The following PXDNL variants were observed in gnomAD, a reference collection of about 807,000 sequenced individuals.
PXDNL encodes the protein probable oxidoreductase PXDNL.
Under a neutral mutation model 150.8 loss-of-function variants are expected in PXDNL, and 145 were observed. The ratio of observed to expected loss-of-function variants is 0.96; its 90% CI spans 0.84 to 1.10. The LOEUF is 1.10. PXDNL is among the 50% of genes least tolerant of loss of function. The pLI, the probability that PXDNL is intolerant of heterozygous loss-of-function variation, is 0.00. For synonymous variants in PXDNL, 757 were observed against 725.7 expected, an observed-to-expected ratio of 1.04 and a Z score of -0.69; for missense variants, 2,087 against 1,873.9, an observed-to-expected ratio of 1.11 and a Z score of -2.10.
intron 1 of PXDNL, among the ~76,000 whole-genome samples, chr8:51,699,599 A>G (rs959613025): frequency 2.0e-5 from 3 of 152,322 alleles, no homozygotes; most frequent in South Asian, 4.2e-4. Flanking sequence ...TGCATTCACA[A>G]CTTGGCTGTT....
At chr8:51,761,821 C>T (rs1379638889) in intron 1 of PXDNL, among the ~76,000 whole-genome samples, 3 of 152,108 alleles carry the variant, frequency 2.0e-5, no homozygotes, top group African/African-American at 7.2e-5. Context: ...ATTTCACTTG[C>T]TAGATTAAAA....
chr8:51,645,854 A>G (rs879837462), intron 2 of PXDNL, among the ~76,000 whole-genome samples: 1 of 151,862 alleles, frequency 6.6e-6, no homozygotes, highest in Non-Finnish European at 1.5e-5. Flanking sequence ...GTCATAGTGA[A>G]AACATAAATG....
At chr8:51,391,938 C>G (rs1376772144) in intron 17 of PXDNL, among the ~76,000 whole-genome samples, 7 of 152,134 alleles carry the variant, frequency 4.6e-5, no homozygotes, top group South Asian at 4.1e-4. Flanking sequence ...AAGGGATCCA[C>G]TTTCAGCTTT....
intron 3 of PXDNL, among the ~76,000 whole-genome samples, chr8:51,578,156 GAGAA>G (rs957499317): frequency 4.0e-5 from 6 of 149,952 alleles, no homozygotes; most frequent in East Asian, 2.0e-4. Flanking sequence ...GAGAAAGAAA[GAGAA>G]AGAAAGAAGG....
chr8:51,467,780 A>G (rs1763253310), intron 8 of PXDNL, among the ~76,000 whole-genome samples: 2 of 152,010 alleles, frequency 1.3e-5, no homozygotes, highest in Admixed American at 6.6e-5. Flanking sequence ...ATTTCTCCCC[A>G]AGGTAAAACC....
chr8:51,408,728 C>T lies in PXDNL; in HGVS notation c.2896G>A (p.Ala966Thr). 20 of 1,590,586 alleles carry T rather than the reference C, an allele frequency of 1.3e-5. No individual in the cohort carries two copies. The highest frequency in any genetic ancestry group is 1.7e-5 in the Non-Finnish European group (20 of 1,168,388). ...CACAGGGTGTGCATGGCGGCCAGAGCCAGATGCTCGTTGGCCCGGTGGTCC... is the reference window on the plus strand; with the variant it reads ...CACAGGGTGTGCATGGCGGCCAGAGTCAGATGCTCGTTGGCCCGGTGGTCC... The part of the protein sequence containing the change: ...AGDHRANEHL[A>T]LAAMHTLWFR... Residue 966 changes from alanine (A) to threonine (T), a missense_variant, in exon 17 of 23, where the codon GCT becomes ACT. Physicochemically the swap from Ala to Thr is moderately conservative, Grantham distance 58 (BLOSUM62 0). Coordinates refer to ENST00000356297, the MANE Select transcript of PXDNL (RefSeq NM_144651.5).
intron 3 of PXDNL, among the ~76,000 whole-genome samples, chr8:51,591,490 G>C (rs953612757): frequency 7.2e-6 from 1 of 139,082 alleles, no homozygotes; most frequent in African/African-American, 2.5e-5. Flanking sequence ...AGATACTACA[G>C]TTGTATAAAT....
chr8:51,547,856 G>T (rs1200247732), intron 4 of PXDNL, among the ~76,000 whole-genome samples: 2 of 152,156 alleles, frequency 1.3e-5, no homozygotes, highest in Non-Finnish European at 2.9e-5. Context: ...TCTCTGAATT[G>T]CCAGATAAAG....
intron 1 of PXDNL, among the ~76,000 whole-genome samples, chr8:51,698,913 GTAA>G (rs1816196396): frequency 6.6e-6 from 1 of 152,192 alleles, no homozygotes; most frequent in African/African-American, 2.4e-5. Flanking sequence ...TCAATGAGTG[GTAA>G]TATTTTGAAA....
intron 2 of PXDNL, among the ~76,000 whole-genome samples, chr8:51,609,434 G>GT (rs1813948480): frequency 6.6e-6 from 1 of 152,188 alleles, no homozygotes; most frequent in South Asian, 2.1e-4. Context: ...CTTGACCCCT[G>GT]TGCTCTTGAC....
At chr8:51,735,754 G>T (rs2130943159) in intron 1 of PXDNL, among the ~76,000 whole-genome samples, 1 of 150,810 alleles carries the variant, frequency 6.6e-6, no homozygotes, top group Non-Finnish European at 1.5e-5. Flanking sequence ...CACCGTTTTA[G>T]CCGGGATGGT....
At chr8:51,573,104 GA>G (rs1214718204) in intron 3 of PXDNL, among the ~76,000 whole-genome samples, 1 of 151,986 alleles carries the variant, frequency 6.6e-6, no homozygotes, top group African/African-American at 2.4e-5. Flanking sequence ...TAGCAAGACA[GA>G]AAACTTTTAG....
intron 10 of PXDNL, among the ~76,000 whole-genome samples, chr8:51,452,961 C>T (rs1035179697): frequency 5.7e-5 from 6 of 104,434 alleles, no homozygotes; most frequent in African/African-American, 1.1e-4. Flanking sequence ...CACACATGCA[C>T]GCACACACAC....
In PXDNL at chr8:51,567,831, T is replaced by C. The variant is rs561166119; in HGVS notation, c.309-10920A>G. Among the ~76,000 whole-genome samples, 8 of 151,908 alleles carry C rather than the reference T, an allele frequency of 5.3e-5. No homozygotes were observed. In the East Asian group the frequency reaches 1.6e-3, roughly 30 times the overall value. On this transcript the variant is annotated intron_variant, in intron 3 of 22. Coordinates refer to ENST00000356297, the MANE Select transcript of PXDNL (RefSeq NM_144651.5). ...TATAACCTATGCACATCCTCCTATA[T>C]ACCCCAAATTATCTCTAAATTACTG...
At chr8:51,775,890 A>G (rs565005832) in intron 1 of PXDNL, among the ~76,000 whole-genome samples, 11 of 152,256 alleles carry the variant, frequency 7.2e-5, no homozygotes, top group Non-Finnish European at 1.6e-4. Flanking sequence ...GAACAGAGCC[A>G]TATTTCTCTT....
At chr8:51,350,332 CT>C (rs58987426) in intron 19 of PXDNL, among the ~76,000 whole-genome samples, 91,878 of 136,918 alleles carry the variant, frequency 0.67, 32,457 homozygotes, top group East Asian at 0.94. Context: ...CCACCCTAGT[CT>C]TTTATTAGCA....
intron 6 of PXDNL, among the ~76,000 whole-genome samples, chr8:51,476,124 C>CG (rs1224716717): frequency 5.0e-5 from 7 of 140,752 alleles, no homozygotes; most frequent in African/African-American, 2.0e-4. Flanking sequence ...AACAAAAAAG[C>CG]TGTAAGCACT....
intron 4 of PXDNL, among the ~76,000 whole-genome samples, chr8:51,526,847 C>T (rs543713136): frequency 6.6e-5 from 10 of 152,280 alleles, no homozygotes; most frequent in African/African-American, 2.4e-4. Context: ...TGCTGCCTAC[C>T]AGACATCTCC....
intron 1 of PXDNL, among the ~76,000 whole-genome samples, chr8:51,701,284 C>G (rs1816253590): frequency 6.6e-6 from 1 of 152,072 alleles, no homozygotes; most frequent in Non-Finnish European, 1.5e-5. Context: ...CTGATGGATG[C>G]AGGCGAATTT....
Sources: gnomAD v4.1 joint callset for allele counts (sites outside exome capture counted in the v4.1 genomes callset) on GRCh38, gnomAD v4.1.1 for gene constraint, MANE v1.5 for transcripts, NCBI Gene and HGNC (gene_info 2026-07-23, HGNC 2026-07-21) for gene names.